Variants in ERC1 observed in about 807,000 individuals in gnomAD.
ERC1 encodes the protein RAB6 interacting protein 2.
A neutral mutation model predicts 132.0 loss-of-function variants in ERC1; 56 were observed. The ratio of observed to expected loss-of-function variants is 0.42; its 90% CI spans 0.34 to 0.53. The LOEUF (loss-of-function observed/expected upper bound fraction) is 0.53. ERC1 is among the 20% of genes least tolerant of loss of function. The pLI is 0.03. For synonymous variants in ERC1, 478 were observed against 476.1 expected, an observed-to-expected ratio of 1.00 and a Z score of -0.05; for missense variants, 1,202 against 1,349.9, an observed-to-expected ratio of 0.89 and a Z score of 1.72.
In ERC1 at chr12:1,079,950, C is replaced by A. The variant is rs535044359; in HGVS notation, c.670-3214C>A. ...TGATTTGTAATATGTATCAGAATTA[C>A]AATTGTACATACTTTGTGATCCAGC... On this transcript the variant is annotated intron_variant, in intron 2 of 18. Transcript: ENST00000360905. Among the ~76,000 whole-genome samples the A allele has an allele frequency of 1.0e-3, 159 of 152,308 alleles. 1 individual carries two copies. The highest frequency in any genetic ancestry group is 0.01 in the Middle Eastern group (3 of 294).
intron 16 of ERC1, among the ~76,000 whole-genome samples, chr12:1,379,298 T>C (rs79454241): frequency 0.024 from 3,621 of 152,314 alleles, 70 homozygotes; most frequent in South Asian, 0.087. Context: ...TACACAACTG[T>C]AGGTGACATT....
chr12:1,416,748 C>T (rs1488643446), intron 17 of ERC1, among the ~76,000 whole-genome samples: 1 of 152,174 alleles, frequency 6.6e-6, no homozygotes, highest in Non-Finnish European at 1.5e-5. Context: ...TCACTTTCTT[C>T]ATTTGTAAAA....
chr12:1,431,570 GATTTT>G (rs1247695861), intron 17 of ERC1, among the ~76,000 whole-genome samples: 5 of 151,954 alleles, frequency 3.3e-5, no homozygotes, highest in African/African-American at 1.2e-4. Context: ...ATTGCATAAC[GATTTT>G]ATTTATCAGT....
At chr12:1,230,110 G>A (rs1029317042) in intron 12 of ERC1, among the ~76,000 whole-genome samples, 5 of 149,170 alleles carry the variant, frequency 3.4e-5, no homozygotes, top group South Asian at 2.1e-4. Flanking sequence ...GGGTTCAAGC[G>A]ATTCTCCTGC....
intron 18 of ERC1, among the ~76,000 whole-genome samples, chr12:1,478,363 A>G (rs1285428875): frequency 6.6e-6 from 1 of 152,158 alleles, no homozygotes; most frequent in Non-Finnish European, 1.5e-5. Context: ...TGGTCATTCA[A>G]GTGTCTTGCC....
intron 2 of ERC1, among the ~76,000 whole-genome samples, chr12:1,061,877 A>G (rs1049082698): frequency 6.7e-6 from 1 of 150,320 alleles, no homozygotes; most frequent in Admixed American, 6.6e-5. Flanking sequence ...TTTATTTAAA[A>G]TCTGTCTTCT....
At chr12:1,111,455 A>G (rs1411628780) in intron 5 of ERC1, among the ~76,000 whole-genome samples, 1 of 152,126 alleles carries the variant, frequency 6.6e-6, no homozygotes, top group African/African-American at 2.4e-5. Context: ...GAATGATAAC[A>G]TCACTTCCCC....
chr12:1,396,756 G>A (rs2090575844), intron 16 of ERC1, among the ~76,000 whole-genome samples: 1 of 152,188 alleles, frequency 6.6e-6, no homozygotes, highest in Admixed American at 6.5e-5. Context: ...ATGACTAGAA[G>A]GACTTGGGTT....
chr12:1,294,448 A>C (rs551480990), intron 15 of ERC1, among the ~76,000 whole-genome samples: 1 of 152,334 alleles, frequency 6.6e-6, no homozygotes, highest in East Asian at 1.9e-4. Flanking sequence ...AGGCTCCGAA[A>C]GTCCCTCTTG....
chr12:1,255,997 A>G (rs1277874597), intron 13 of ERC1, among the ~76,000 whole-genome samples: 2 of 152,078 alleles, frequency 1.3e-5, no homozygotes, highest in Non-Finnish European at 2.9e-5. Context: ...TCTAATGACC[A>G]GTGATGATGA....
chr12:1,115,536 G>A, intron 6 of ERC1: 1 of 246,720 alleles, frequency 4.1e-6, no homozygotes, highest in East Asian at 9.7e-5. Flanking sequence ...GTACAGTGGT[G>A]TTCAGTTGCT....
Position 1,296,401 on chromosome 12 carries a change from C to CTTTTTTTTTTT in ERC1, c.2780+6408_2780+6418dup, listed in dbSNP as rs57458560. On this transcript the variant is annotated intron_variant, in intron 15 of 18. Transcript: ENST00000360905. ...AGAAATGAAACATTTATTGGATAGT[C>CTTTTTTTTTTT]TTTTTTTTTTTTTTTTTTTTTTTTT... Among the ~76,000 whole-genome samples the CTTTTTTTTTTT allele has an allele frequency of 5.1e-4, 39 of 76,234 alleles. 4 individuals are homozygous for CTTTTTTTTTTT. The highest frequency in any genetic ancestry group is 7.1e-4 in the Non-Finnish European group (30 of 42,122). 50.0% of individuals were successfully genotyped at this position (76,234 alleles called of 152,430 possible).
At chr12:1,457,873 A>G (rs2093571053) in intron 18 of ERC1, among the ~76,000 whole-genome samples, 2 of 152,174 alleles carry the variant, frequency 1.3e-5, no homozygotes, top group Admixed American at 1.3e-4. Context: ...AGCCTGAGCC[A>G]CAGAGCGAGA....
At chr12:1,105,502 C>T (rs568201295) in intron 4 of ERC1, among the ~76,000 whole-genome samples, 35 of 152,160 alleles carry the variant, frequency 2.3e-4, no homozygotes, top group African/African-American at 6.7e-4. Flanking sequence ...GGACCACAGG[C>T]GCCTGCCACC....
intron 15 of ERC1, among the ~76,000 whole-genome samples, chr12:1,315,458 C>A (rs1227363151): frequency 6.6e-6 from 1 of 151,956 alleles, no homozygotes; most frequent in East Asian, 1.9e-4. Context: ...TCAAGCTATT[C>A]TCCTGCCTCA....
intron 15 of ERC1, among the ~76,000 whole-genome samples, chr12:1,368,937 G>C (rs12314845): frequency 4.0e-5 from 6 of 151,872 alleles, no homozygotes; most frequent in Admixed American, 3.3e-4. Flanking sequence ...AGGAGTATAC[G>C]TTGTAAATGG....
intron 2 of ERC1, among the ~76,000 whole-genome samples, chr12:1,076,253 T>G (rs1330294049): frequency 6.6e-6 from 1 of 152,244 alleles, no homozygotes; most frequent in Non-Finnish European, 1.5e-5. Context: ...CTGAAAATGC[T>G]TCTTTTTGCT....
intron 1 of ERC1, among the ~76,000 whole-genome samples, chr12:996,267 T>TA (rs1213856883): frequency 1.4e-5 from 2 of 142,460 alleles, no homozygotes; most frequent in African/African-American, 5.2e-5. Flanking sequence ...TTTTTTTTTT[T>TA]TTTTTTTTGT....
chr12:1,297,662 A>G (rs985452649), intron 15 of ERC1, among the ~76,000 whole-genome samples: 7 of 148,168 alleles, frequency 4.7e-5, no homozygotes, highest in African/African-American at 1.8e-4. Context: ...AGCCAAGATC[A>G]CACCACTGCA....
Sources: allele counts gnomAD v4.1 joint callset (sites outside exome capture counted in the v4.1 genomes callset), GRCh38; gene constraint gnomAD v4.1.1; transcripts MANE v1.5; gene names NCBI Gene and HGNC (gene_info 2026-07-23, HGNC 2026-07-21).